Variants in ARMH4 observed in about 807,000 individuals in gnomAD.
The protein encoded by ARMH4 is armadillo-like helical domain-containing protein 4.
In ARMH4, 49 loss-of-function variants were observed where a neutral mutation model predicts 61.9. The observed-to-expected ratio is 0.79, with a 90% CI of 0.63 to 1.00. The LOEUF (loss-of-function observed/expected upper bound fraction) is 1.00, where lower values mean the gene tolerates loss of function less well. Ranked by LOEUF, ARMH4 falls within the 50% of genes least tolerant of loss-of-function variation. ARMH4 has a pLI of 0.00. For missense variants in ARMH4, 934 were observed against 930.0 expected, an observed-to-expected ratio of 1.00 and a Z score of -0.06; for synonymous variants, 368 against 341.5, an observed-to-expected ratio of 1.08 and a Z score of -0.85.
At chr14:58,141,992 A>G (rs1357070819) in intron 1 of ARMH4, among the ~76,000 whole-genome samples, 1 of 152,134 alleles carries the variant, frequency 6.6e-6, no homozygotes, top group Non-Finnish European at 1.5e-5. Context: ...GAAATAAACT[A>G]CTCACATTCT....
chr14:58,064,666 T>C (rs1199055785), intron 5 of ARMH4, among the ~76,000 whole-genome samples: 1 of 152,226 alleles, frequency 6.6e-6, no homozygotes, highest in Non-Finnish European at 1.5e-5. Context: ...ATTATTTTTA[T>C]TGCTTGCCAT....
intron 5 of ARMH4, among the ~76,000 whole-genome samples, chr14:58,090,525 C>G (rs1885520331): frequency 6.6e-6 from 1 of 152,020 alleles, no homozygotes; most frequent in Admixed American, 6.6e-5. Context: ...TAATCTCAGC[C>G]AAGCAGGGGC....
intron 5 of ARMH4, among the ~76,000 whole-genome samples, chr14:58,030,538 A>G (rs1475202329): frequency 6.6e-6 from 1 of 152,214 alleles, no homozygotes; most frequent in East Asian, 1.9e-4. Context: ...ACTACCGTAT[A>G]TTCATAATGT....
chr14:58,133,193 G>A lies in ARMH4; in HGVS notation c.1518C>T (p.Asp506=), dbSNP rs377735094. 3.1e-6 allele frequency: 5 copies of A among 1,614,014 alleles called. No homozygotes were observed. Among genetic ancestry groups the A allele is most frequent in the East Asian group, 4.5e-5 (2 of 44,884 alleles). Reference sequence around the variant, plus strand: ...TTGACAGCTGAGTAACACCAGGAACGTCAGACACAGGAGAGGGGTCCTCCT... The same window carrying A: ...TTGACAGCTGAGTAACACCAGGAACATCAGACACAGGAGAGGGGTCCTCCT... ...EEKEDPSPVS[D]VPGVTQLSRR... is the part of the protein sequence containing the mutation. Residue 506 remains aspartate (D), a synonymous_variant, in exon 3 of 8, where the codon GAC becomes GAT. Transcript: ENST00000267485.
chr14:58,030,153 C>T (rs951258989), intron 5 of ARMH4, among the ~76,000 whole-genome samples: 2 of 152,198 alleles, frequency 1.3e-5, no homozygotes, highest in Non-Finnish European at 2.9e-5. Context: ...CTATGTGGTC[C>T]CTCCTAGAAG....
intron 5 of ARMH4, among the ~76,000 whole-genome samples, chr14:58,058,035 C>T (rs1021426379): frequency 6.6e-6 from 1 of 152,184 alleles, no homozygotes; most frequent in Admixed American, 6.5e-5. Flanking sequence ...TACTCTTTTT[C>T]CTGTTCAAAT....
chr14:58,116,435 G>A, intron 4 of ARMH4: 1 of 385,546 alleles, frequency 2.6e-6, no homozygotes, highest in Non-Finnish European at 5.4e-6. Context: ...AACACTTTGG[G>A]AGGCCGAGGC....
intron 5 of ARMH4, among the ~76,000 whole-genome samples, chr14:58,071,530 C>A (rs982182400): frequency 1.3e-5 from 2 of 152,062 alleles, no homozygotes; most frequent in African/African-American, 4.8e-5. Context: ...AAATTGGCTC[C>A]CACTTGTGTT....
intron 5 of ARMH4, among the ~76,000 whole-genome samples, chr14:58,019,438 A>G (rs966673192): frequency 2.0e-5 from 3 of 152,182 alleles, no homozygotes; most frequent in African/African-American, 7.2e-5. Flanking sequence ...AAAAGTAGTC[A>G]TGGGTTATTA....
rs546081111 is a variant in ARMH4, at chr14:58,078,739, A to G, written c.2089+17985T>C. On this transcript the variant is annotated intron_variant, in intron 5 of 7. Coordinates refer to ENST00000267485, the MANE Select transcript of ARMH4 (RefSeq NM_001001872.4). ...AAAGCAGCCATAGAAATAAGTAAACAAGTAGGCATGGCTGTGTTCCCAAAA... is the reference window on the plus strand; with the variant it reads ...AAAGCAGCCATAGAAATAAGTAAACGAGTAGGCATGGCTGTGTTCCCAAAA... Among the ~76,000 whole-genome samples the G allele has an allele frequency of 5.6e-4, 86 of 152,380 alleles. 1 individual carries two copies. Among genetic ancestry groups the G allele is most frequent in the African/African-American group, 1.9e-3 (81 of 41,588 alleles).
chr14:58,031,796 T>C (rs1883242224), intron 5 of ARMH4, among the ~76,000 whole-genome samples: 1 of 152,214 alleles, frequency 6.6e-6, no homozygotes, highest in Non-Finnish European at 1.5e-5. Flanking sequence ...AAGTTCTCTC[T>C]GCCATTGTTT....
intron 5 of ARMH4, among the ~76,000 whole-genome samples, chr14:58,090,948 G>A (rs933345564): frequency 1.3e-5 from 2 of 151,234 alleles, no homozygotes; most frequent in Admixed American, 6.6e-5. Flanking sequence ...AGGCACAGTA[G>A]CTCATGCCTG....
chr14:58,125,623 A>G (rs559128079), intron 4 of ARMH4, among the ~76,000 whole-genome samples: 2 of 152,312 alleles, frequency 1.3e-5, no homozygotes, highest in African/African-American at 2.4e-5. Flanking sequence ...GATACAGTCC[A>G]TGACTAAAAT....
intron 5 of ARMH4, among the ~76,000 whole-genome samples, chr14:58,063,778 C>T (rs981194529): frequency 2.6e-5 from 4 of 152,134 alleles, no homozygotes; most frequent in South Asian, 2.1e-4. Context: ...TCAAGCTGCA[C>T]GGGTAGCTCT....
At chr14:58,135,040 T>C (rs568984673) in intron 2 of ARMH4, among the ~76,000 whole-genome samples, 22 of 152,194 alleles carry the variant, frequency 1.4e-4, no homozygotes, top group African/African-American at 5.1e-4. Flanking sequence ...AAACAATGTA[T>C]TTGCTTTAAA....
At chr14:58,051,466 T>C (rs994817068) in intron 5 of ARMH4, among the ~76,000 whole-genome samples, 9 of 152,202 alleles carry the variant, frequency 5.9e-5, no homozygotes, top group African/African-American at 7.2e-5. Flanking sequence ...CCAGGACTAC[T>C]GAATGTTCAA....
intron 6 of ARMH4, among the ~76,000 whole-genome samples, chr14:58,006,274 A>T (rs1047971477): frequency 2.6e-5 from 4 of 152,332 alleles, no homozygotes; most frequent in African/African-American, 9.6e-5. Context: ...TACCCATGCA[A>T]AATACATAAA....
chr14:58,007,373 CTG>C (rs760508764), intron 6 of ARMH4, among the ~76,000 whole-genome samples: 1 of 152,198 alleles, frequency 6.6e-6, no homozygotes, highest in East Asian at 1.9e-4. Flanking sequence ...ACATATAAAA[CTG>C]TACGTACTCA....
chr14:58,031,986 A>T (rs984914633), intron 5 of ARMH4, among the ~76,000 whole-genome samples: 2 of 152,094 alleles, frequency 1.3e-5, no homozygotes, highest in Admixed American at 1.3e-4. Context: ...TCAGTTTCTA[A>T]GGCCCTATAT....
Sources: allele counts gnomAD v4.1 joint callset (sites outside exome capture counted in the v4.1 genomes callset), GRCh38; gene constraint gnomAD v4.1.1; transcripts MANE v1.5; gene names NCBI Gene and HGNC (gene_info 2026-07-23, HGNC 2026-07-21).